TCP11L1: variants seen among roughly 807,000 people sequenced by gnomAD.
TCP11L1 encodes T-complex protein 11-like protein 1.
Under a neutral mutation model 48.9 loss-of-function variants are expected in TCP11L1, and 28 were observed. The ratio of observed to expected loss-of-function variants is 0.57; its 90% CI spans 0.42 to 0.78. TCP11L1 has a LOEUF of 0.78. Ranked by LOEUF, TCP11L1 falls within the 30% of genes least tolerant of loss-of-function variation. The pLI, the probability that TCP11L1 is intolerant of heterozygous loss-of-function variation, is 0.00. For synonymous variants in TCP11L1, 204 were observed against 231.9 expected (o/e 0.88, Z 1.09); for missense variants, 505 against 613.4 (o/e 0.82, Z 1.87).
At chr11:33,066,177 A>G (rs143919302) in intron 8 of TCP11L1, among the ~76,000 whole-genome samples, 166 bp downstream of exon 8, 102 of 152,196 alleles carry the variant, frequency 6.7e-4, no homozygotes, top group African/African-American at 2.3e-3. Context: ...ACCCCAGCAG[A>G]GTTTATTTAG....
At chr11:33,053,214 C>T (rs1177109998) in intron 2 of TCP11L1, among the ~76,000 whole-genome samples, 5 of 144,398 alleles carry the variant, frequency 3.5e-5, no homozygotes, top group African/African-American at 1.0e-4. Context: ...GTGTGATCTT[C>T]GCTCACTGCA....
At chr11:33,054,902 T>G (rs1251122217) in intron 3 of TCP11L1, among the ~76,000 whole-genome samples, 177 bp downstream of exon 3, 1 of 152,270 alleles carries the variant, frequency 6.6e-6, no homozygotes, top group African/African-American at 2.4e-5. Flanking sequence ...TCTAAAAATC[T>G]TTTGTGAAAG....
chr11:33,041,147 AT>A, intron 1 of TCP11L1: 1 of 152,202 alleles, frequency 6.6e-6, no homozygotes, highest in African/African-American at 2.4e-5. Flanking sequence ...CTTGAACTCA[AT>A]CTTAAGGATG....
At chr11:33,070,741 G>A (rs1431146799) in intron 9 of TCP11L1, among the ~76,000 whole-genome samples, 3 of 149,940 alleles carry the variant, frequency 2.0e-5, no homozygotes, top group African/African-American at 4.9e-5. Context: ...GATGACTCAT[G>A]CCTGTAATCC....
chr11:33,042,639 G>T (rs1211924926), intron 1 of TCP11L1, among the ~76,000 whole-genome samples: 1 of 152,174 alleles, frequency 6.6e-6, no homozygotes, highest in Non-Finnish European at 1.5e-5. Flanking sequence ...CATTTCATAA[G>T]ATTCTGTTTT....
chr11:33,067,905 T>A (rs536345673), intron 8 of TCP11L1, among the ~76,000 whole-genome samples: 55 of 151,954 alleles, frequency 3.6e-4, no homozygotes, highest in Middle Eastern at 3.4e-3. Flanking sequence ...TTTTATTTTT[T>A]AAAAATTTTT....
intron 2 of TCP11L1, among the ~76,000 whole-genome samples, chr11:33,053,118 T>TA (rs2133710205): frequency 6.6e-6 from 1 of 150,626 alleles, no homozygotes; most frequent in Non-Finnish European, 1.5e-5. Context: ...CATGATAGGC[T>TA]AAAGTTTGAG....
At chr11:33,064,962 T>C (rs1414296880) in intron 7 of TCP11L1, among the ~76,000 whole-genome samples, 1 of 152,198 alleles carries the variant, frequency 6.6e-6, no homozygotes, top group African/African-American at 2.4e-5. Flanking sequence ...GGCCTTCCAT[T>C]GCTCTGTACA....
At chr11:33,063,156 C>T (rs1404200096) in intron 7 of TCP11L1, among the ~76,000 whole-genome samples, 1 of 152,198 alleles carries the variant, frequency 6.6e-6, no homozygotes, top group Non-Finnish European at 1.5e-5. Context: ...AGCTACCATG[C>T]CCAGCCCTCC....
intron 7 of TCP11L1, among the ~76,000 whole-genome samples, chr11:33,062,304 C>G (rs142598366): frequency 3.3e-4 from 50 of 151,622 alleles, no homozygotes; most frequent in African/African-American, 9.5e-4. Flanking sequence ...GCCCTCCCCC[C>G]CTCCCTCCAA....
chr11:33,068,392 G>A (rs1056030512), intron 8 of TCP11L1, among the ~76,000 whole-genome samples: 3 of 151,800 alleles, frequency 2.0e-5, no homozygotes, highest in African/African-American at 7.2e-5. Context: ...GGTCATTCCA[G>A]GCTGATTTTA....
chr11:33,044,311 T>G (rs1405125776), intron 2 of TCP11L1, among the ~76,000 whole-genome samples: 2 of 151,920 alleles, frequency 1.3e-5, no homozygotes. Flanking sequence ...TAAAAAAAAA[T>G]GTGAGTAAGT....
At chr11:33,053,489 C>G (rs1287316369) in intron 2 of TCP11L1, among the ~76,000 whole-genome samples, 1 of 152,148 alleles carries the variant, frequency 6.6e-6, no homozygotes, top group Non-Finnish European at 1.5e-5. Context: ...GGTTTAGAAC[C>G]TTCTTTCTGA....
Position 33,073,404 on chromosome 11 carries a change from G to A in TCP11L1, c.*728G>A, listed in dbSNP as rs1854854260. 1.4e-5 allele frequency: 2 copies of A among 145,078 alleles called. No homozygotes were observed. Among genetic ancestry groups the A allele is most frequent in the African/African-American group, 4.9e-5 (2 of 40,784 alleles). The allele number at this position is 145,078 out of a possible 1,614,324, so 9.0% of individuals were successfully genotyped here. On this transcript the variant is annotated 3_prime_UTR_variant, in exon 10 of 10. Transcript: ENST00000334274. Reference sequence around the variant, plus strand: ...TTATGACTTATGAGATCTAGTGAAAGGAAAGTCTTTGACTTTCAAGCCTTG... The same window carrying A: ...TTATGACTTATGAGATCTAGTGAAAAGAAAGTCTTTGACTTTCAAGCCTTG...
At chr11:33,070,739 A>G (rs1021024015) in intron 9 of TCP11L1, among the ~76,000 whole-genome samples, 3 of 151,000 alleles carry the variant, frequency 2.0e-5, no homozygotes, top group Admixed American at 2.0e-4. Flanking sequence ...GTGATGACTC[A>G]TGCCTGTAAT....
chr11:33,069,918 C>G (rs112888617), intron 9 of TCP11L1, among the ~76,000 whole-genome samples: 2 of 152,102 alleles, frequency 1.3e-5, no homozygotes, highest in African/African-American at 4.8e-5. Flanking sequence ...AAGATTTATA[C>G]TCACAACCTT....
chr11:33,065,131 T>G lies in TCP11L1; in HGVS notation c.973-699T>G, dbSNP rs569650978. Among the ~76,000 whole-genome samples the G allele has an allele frequency of 1.7e-3, 264 of 152,360 alleles. 1 individual carries two copies. The highest frequency in any genetic ancestry group is 2.8e-3 in the Non-Finnish European group (192 of 68,030). ...TTTTCTTCCTAACAATAAGTATAACTTTTATTTATCGAGTGCTGGCTCTGC... is the reference window on the plus strand; with the variant it reads ...TTTTCTTCCTAACAATAAGTATAACGTTTATTTATCGAGTGCTGGCTCTGC... On this transcript the variant is annotated intron_variant, in intron 7 of 9. Transcript: ENST00000334274.
intron 8 of TCP11L1, among the ~76,000 whole-genome samples, chr11:33,067,945 T>C (rs1244958282): frequency 6.6e-6 from 1 of 152,028 alleles, no homozygotes; most frequent in East Asian, 1.9e-4. Context: ...TATTTTTTTG[T>C]GATGGAGTTT....
chr11:33,055,261 G>A (rs1034866513), intron 3 of TCP11L1, among the ~76,000 whole-genome samples: 3 of 152,274 alleles, frequency 2.0e-5, no homozygotes, highest in Non-Finnish European at 2.9e-5. Flanking sequence ...GGAAATATGC[G>A]TGCAAGTGCC....
Sources: gnomAD v4.1 joint callset for allele counts (sites outside exome capture counted in the v4.1 genomes callset) on GRCh38, gnomAD v4.1.1 for gene constraint, MANE v1.5 for transcripts, NCBI Gene and HGNC (gene_info 2026-07-23, HGNC 2026-07-21) for gene names.